Variants in ITGAL observed in about 807,000 individuals in gnomAD.
The protein encoded by ITGAL is integrin subunit alpha L.
Under a neutral mutation model 138.4 loss-of-function variants are expected in ITGAL, and 68 were observed. The observed-to-expected ratio is 0.49, with a 90% CI of 0.40 to 0.60. ITGAL has a LOEUF of 0.60. Ranked by LOEUF, ITGAL falls within the 20% of genes least tolerant of loss-of-function variation. ITGAL has a pLI of 0.00. For missense variants in ITGAL, 1,256 were observed against 1,478.6 expected, an observed-to-expected ratio of 0.85 and a Z score of 2.47; for synonymous variants, 561 against 584.3, an observed-to-expected ratio of 0.96 and a Z score of 0.57.
In ITGAL at chr16:30,484,145, G is replaced by A. The variant is rs372555912; in HGVS notation, c.888G>A (p.Gln296=). The change falls in exon 9 of 31, where the codon CAG becomes CAA. Residue 296 remains glutamine (Q), a synonymous_variant. Transcript: ENST00000356798. ...AGCATTTTCAGACCAAGGAGAGTCA[G>A]GAGACCCTCCACAAATTTGCATCAA... The part of the protein sequence containing the change: ...IGKHFQTKES[Q]ETLHKFASKP... The A allele has an allele frequency of 6.2e-7, 1 of 1,614,000 alleles. No individual in the cohort carries two copies. Among genetic ancestry groups the A allele is most frequent in the Non-Finnish European group, 8.5e-7 (1 of 1,180,006 alleles).
chr16:30,517,793 T>C lies in ITGAL; in HGVS notation c.3034-4T>C. On this transcript the variant is annotated splice_region_variant and splice_polypyrimidine_tract_variant and intron_variant, in intron 27 of 30. Coordinates refer to ENST00000356798, the MANE Select transcript of ITGAL (RefSeq NM_002209.3). ...CCTGACCCCGCTTTCCTCATCCTTG[T>C]CAGCCTTGTCTCCCCGGAGCCCTGT... The C allele has an allele frequency of 6.2e-7, 1 of 1,614,142 alleles. No individual in the cohort carries two copies. Among genetic ancestry groups the C allele is most frequent in the Non-Finnish European group, 8.5e-7 (1 of 1,179,990 alleles).
intron 25 of ITGAL, 64 bp downstream of exon 25, chr16:30,513,910 G>A (rs2051128352): frequency 8.0e-7 from 1 of 1,245,050 alleles, no homozygotes. Flanking sequence ...CGGGGACTGA[G>A]GATGCAGGCA....
intron 14 of ITGAL, 63 bp from the exon 15 acceptor site, chr16:30,496,373 G>A (rs1294674249): frequency 3.8e-5 from 62 of 1,611,884 alleles, no homozygotes; most frequent in African/African-American, 9.4e-5. Context: ...TCCCCAGCCC[G>A]ATCCTTCCCT....
rs778404306 is a variant in ITGAL, at chr16:30,517,632, C to A, written c.2977-17C>A. The stretch of plus-strand genomic sequence containing the variant: ...GGTTGGGGAGGCTCTAACTGAAGAC[C>A]TGCCGCTTGTTCCTAGGAGCCTCCC... On this transcript the variant is annotated splice_polypyrimidine_tract_variant and intron_variant, in intron 26 of 30. Coordinates refer to ENST00000356798, the MANE Select transcript of ITGAL (RefSeq NM_002209.3). The A allele has an allele frequency of 1.2e-6, 2 of 1,612,504 alleles. No homozygotes were observed. The highest frequency in any genetic ancestry group is 1.3e-5 in the African/African-American group (1 of 74,892).
At chr16:30,489,047 G>A in intron 9 of ITGAL, 35 bp from the exon 10 acceptor site, 1 of 1,582,776 alleles carries the variant, frequency 6.3e-7, no homozygotes, top group Non-Finnish European at 8.7e-7. Context: ...ATTTACTGCT[G>A]TTGGGTCTCA....
intron 11 of ITGAL, among the ~76,000 whole-genome samples, chr16:30,492,356 T>C (rs954467559): frequency 6.6e-6 from 1 of 151,686 alleles, no homozygotes; most frequent in Non-Finnish European, 1.5e-5. Flanking sequence ...GTTCAACTGA[T>C]TCTCTTGCCT....
intron 22 of ITGAL, 47 bp from the exon 23 acceptor site, chr16:30,510,834 G>T: frequency 7.0e-7 from 1 of 1,434,514 alleles, no homozygotes; most frequent in African/African-American, 1.4e-5. Context: ...CCATGAGGCT[G>T]CTCCTCATGA....
chr16:30,521,488 A>G lies in ITGAL; in HGVS notation c.3340-4A>G. ...TTGCTCGTTCAAATTTTGTCTTTGT[A>G]CAGGTTGGTTTCTTCAAACGGAACC... On this transcript the variant is annotated splice_region_variant and splice_polypyrimidine_tract_variant and intron_variant, in intron 30 of 30. Coordinates refer to ENST00000356798, the MANE Select transcript of ITGAL (RefSeq NM_002209.3). The G allele has an allele frequency of 6.2e-7, 1 of 1,613,282 alleles. No homozygotes were observed. The highest frequency in any genetic ancestry group is 8.5e-7 in the Non-Finnish European group (1 of 1,179,596).
intron 17 of ITGAL, among the ~76,000 whole-genome samples, chr16:30,500,895 T>C (rs933255448): frequency 1.3e-5 from 2 of 152,028 alleles, no homozygotes; most frequent in Non-Finnish European, 2.9e-5. Context: ...TCCCAGCTAC[T>C]TGGGAGGCTG....
chr16:30,484,253 T>C lies in ITGAL; in HGVS notation c.996T>C (p.Tyr332=). The C allele has an allele frequency of 1.2e-6, 2 of 1,613,698 alleles. No homozygotes were observed. The highest frequency in any genetic ancestry group is 1.3e-5 in the African/African-American group (1 of 75,026). The change falls in exon 9 of 31, where the codon TAT becomes TAC. Residue 332 remains tyrosine, a synonymous_variant. Transcript: ENST00000356798. ...TCACTGAGCTGCAGAAGAAGATCTA[T>C]GTCATTGAGGGTGAGTGGCAGGCCC... The part of the protein sequence containing the change: ...DLFTELQKKI[Y]VIEGTSKQDL...
chr16:30,510,892 G>C lies in ITGAL; in HGVS notation c.2631G>C (p.Gln877His), dbSNP rs749085220. 2 of 1,614,036 alleles carry C rather than the reference G, an allele frequency of 1.2e-6. No individual in the cohort carries two copies. Among genetic ancestry groups the C allele is most frequent in the Non-Finnish European group, 8.5e-7 (1 of 1,179,982 alleles). The change falls in exon 23 of 31, where the codon CAG becomes CAC. Residue 877 changes from glutamine to histidine, a missense_variant. Physicochemically the swap from Gln to His is conservative, Grantham distance 24. This residue lies in a region of ITGAL where 867 missense variants were observed against 972.5 expected (regional missense o/e 0.89). Coordinates refer to ENST00000356798, the MANE Select transcript of ITGAL (RefSeq NM_002209.3). Reference sequence around the variant, plus strand: ...TCCTTTCCTGCCAGGTTGCTCTGCAGATGATGTTTAATACACTGGTAAACA... The same window carrying C: ...TCCTTTCCTGCCAGGTTGCTCTGCACATGATGTTTAATACACTGGTAAACA... ...IFKAGHSVAL[Q>H]MMFNTLVNSS...
intron 20 of ITGAL, 134 bp from the exon 21 acceptor site, chr16:30,506,581 A>G: frequency 2.4e-6 from 1 of 422,082 alleles, no homozygotes; most frequent in Non-Finnish European, 4.2e-6. Flanking sequence ...AAAAAAAAAA[A>G]AAAAAAAAAA....
chr16:30,481,787 A>G (rs2050563052), intron 7 of ITGAL, among the ~76,000 whole-genome samples: 1 of 152,176 alleles, frequency 6.6e-6, no homozygotes, highest in Non-Finnish European at 1.5e-5. Context: ...AATCCAAGAG[A>G]AAGTCTAAGC....
chr16:30,488,879 C>T lies in ITGAL; in HGVS notation c.1007-203C>T, dbSNP rs2050684220. 7.0e-6 allele frequency: 4 copies of T among 567,670 alleles called. No homozygotes were observed. In the African/African-American group the frequency reaches 7.5e-5, roughly 11 times the overall value. The allele number at this position is 567,670 out of a possible 1,614,324, so 35.2% of individuals were successfully genotyped here. On this transcript the variant is annotated intron_variant, in intron 9 of 30. Coordinates refer to ENST00000356798, the MANE Select transcript of ITGAL (RefSeq NM_002209.3). ...GCAACAGAGCAAGACCTTGTTTCAACAACAAAAAACAAACAAATCTGGGAC... is the reference window on the plus strand; with the variant it reads ...GCAACAGAGCAAGACCTTGTTTCAATAACAAAAAACAAACAAATCTGGGAC...
At chr16:30,515,320 C>T (rs2051150428) in intron 25 of ITGAL, among the ~76,000 whole-genome samples, 1 of 152,190 alleles carries the variant, frequency 6.6e-6, no homozygotes, top group African/African-American at 2.4e-5. Flanking sequence ...CTGCTACCGC[C>T]CAGACCCAAT....
At chr16:30,501,856 C>G (rs2050903997) in intron 17 of ITGAL, among the ~76,000 whole-genome samples, 1 of 151,926 alleles carries the variant, frequency 6.6e-6, no homozygotes, top group Non-Finnish European at 1.5e-5. Context: ...CATAGCGAGA[C>G]CCCTTCTCTA....
chr16:30,519,206 G>A (rs2051215257), intron 29 of ITGAL, among the ~76,000 whole-genome samples: 1 of 152,080 alleles, frequency 6.6e-6, no homozygotes, highest in South Asian at 2.1e-4. Context: ...CTGGGCGACA[G>A]AGTGAGACTT....
chr16:30,481,864 GT>G (rs2050564448), intron 7 of ITGAL, among the ~76,000 whole-genome samples: 2 of 152,102 alleles, frequency 1.3e-5, no homozygotes, highest in South Asian at 4.2e-4. Context: ...GAGCCCAGAA[GT>G]TTTTGTTTGT....
intron 24 of ITGAL, 136 bp from the exon 25 acceptor site, chr16:30,513,635 A>T (rs2051122687): frequency 1.5e-6 from 1 of 660,310 alleles, no homozygotes; most frequent in African/African-American, 1.8e-5. Context: ...GTTTCTGGGA[A>T]AGAGCAGGTT....
Sources: gnomAD v4.1 joint callset for allele counts (sites outside exome capture counted in the v4.1 genomes callset) on GRCh38, gnomAD v4.1.1 for gene constraint, gnomAD v4.1.1 regional missense constraint, MANE v1.5 for transcripts, NCBI Gene and HGNC (gene_info 2026-07-23, HGNC 2026-07-21) for gene names.